ZC3H7A: variants seen among roughly 807,000 people sequenced by gnomAD.
The protein encoded by ZC3H7A is zinc finger CCCH-type containing 7A.
A neutral mutation model predicts 125.5 loss-of-function variants in ZC3H7A; 44 were observed. The observed-to-expected ratio is 0.35, with a 90% CI of 0.28 to 0.45. The LOEUF is 0.45. Ranked by LOEUF, ZC3H7A falls within the 20% of genes least tolerant of loss-of-function variation. ZC3H7A has a pLI of 1.00. For missense variants in ZC3H7A, 977 were observed against 1,170.7 expected (o/e 0.83, Z 2.41); for synonymous variants, 399 against 391.2 (o/e 1.02, Z -0.23).
chr16:11,777,000 C>A, intron 4 of ZC3H7A, 91 bp from the exon 5 acceptor site: 1 of 1,032,714 alleles, frequency 9.7e-7, no homozygotes, highest in Non-Finnish European at 1.3e-6. Flanking sequence ...ATTAATACCC[C>A]ATCCTATTAC....
At chr16:11,785,910 C>T (rs1241454677) in intron 1 of ZC3H7A, among the ~76,000 whole-genome samples, 1 of 152,072 alleles carries the variant, frequency 6.6e-6, no homozygotes, top group Non-Finnish European at 1.5e-5. Flanking sequence ...TGAGCCACCG[C>T]GCCTGGCCGT....
chr16:11,761,862 G>A (rs759830647), intron 18 of ZC3H7A, 48 bp downstream of exon 18: 10 of 1,599,722 alleles, frequency 6.3e-6, no homozygotes, highest in East Asian at 2.2e-5. Context: ...TTATACCTAC[G>A]AAACAGAAAA....
intron 1 of ZC3H7A, among the ~76,000 whole-genome samples, chr16:11,785,522 T>TA (rs891912464): frequency 2.0e-5 from 3 of 151,254 alleles, no homozygotes; most frequent in Non-Finnish European, 4.4e-5. Context: ...AATATTTTTT[T>TA]AAAAAAACTA....
chr16:11,778,513 G>C (rs938275360), intron 4 of ZC3H7A, among the ~76,000 whole-genome samples: 1 of 150,288 alleles, frequency 6.7e-6, no homozygotes, highest in Non-Finnish European at 1.5e-5. Context: ...ACTGGATCTT[G>C]ACTAAGATGT....
rs532678668 is a variant in ZC3H7A at position 11,794,551 on chromosome 16, C to A, written c.-35+2573G>T. On this transcript the variant is annotated intron_variant, in intron 1 of 22. Coordinates refer to ENST00000355758, the MANE Select transcript of ZC3H7A (RefSeq NM_014153.4). ...AAAAATATTTTCACTAGAAAAAAAA[C>A]AAAACAAAACAGAACACTTCCAGAC... Among the ~76,000 whole-genome samples, 118 of 152,040 alleles carry A rather than the reference C, an allele frequency of 7.8e-4. 1 individual carries two copies. The highest frequency in any genetic ancestry group is 2.8e-3 in the African/African-American group (116 of 41,452).
chr16:11,756,978 T>C (rs2052659966), intron 20 of ZC3H7A, among the ~76,000 whole-genome samples: 2 of 111,188 alleles, frequency 1.8e-5, no homozygotes, highest in Non-Finnish European at 3.5e-5. Flanking sequence ...GTATTCTGCA[T>C]TATTGCCAAG....
In ZC3H7A at chr16:11,770,934, C is replaced by A. The variant is rs2052968921; in HGVS notation, c.957G>T (p.Met319Ile). 6.2e-7 allele frequency: 1 copy of A among 1,613,840 alleles called. No individual in the cohort carries two copies. The highest frequency in any genetic ancestry group is 8.5e-7 in the Non-Finnish European group (1 of 1,179,862). ...TTCCTAACAGCGATGCCGAAAAGGGCATGCTAGGAGAGACACTGGCTGTCT... is the reference window on the plus strand; with the variant it reads ...TTCCTAACAGCGATGCCGAAAAGGGAATGCTAGGAGAGACACTGGCTGTCT... ...PLQTASVSPS[M>I]PFSASLLGTL... Residue 319 changes from methionine (M) to isoleucine (I), a missense_variant, in exon 10 of 23, where the codon ATG becomes ATT. Transcript: ENST00000355758.
At chr16:11,775,357 C>G (rs559014347) in intron 7 of ZC3H7A, among the ~76,000 whole-genome samples, 4 of 147,746 alleles carry the variant, frequency 2.7e-5, no homozygotes, top group Non-Finnish European at 4.5e-5. Flanking sequence ...GGTGACAGAG[C>G]GAGACTCTGT....
At chr16:11,780,418 G>A (rs1047886016) in intron 3 of ZC3H7A, among the ~76,000 whole-genome samples, 8 of 152,058 alleles carry the variant, frequency 5.3e-5, no homozygotes, top group Non-Finnish European at 1.2e-4. Flanking sequence ...ACCACGCCTG[G>A]CCATAATTTA....
chr16:11,771,005 A>T lies in ZC3H7A; in HGVS notation c.904-18T>A, dbSNP rs1486866486. On this transcript the variant is annotated intron_variant, in intron 9 of 22. Coordinates refer to ENST00000355758, the MANE Select transcript of ZC3H7A (RefSeq NM_014153.4). ...GCTGACGGCTGCGGAAGAAAAAAAG[A>T]TGTGATTAAAATTCATGAAGCTGTC... 3 of 1,583,676 alleles carry T rather than the reference A, an allele frequency of 1.9e-6. No homozygotes were observed. Among genetic ancestry groups the T allele is most frequent in the Non-Finnish European group, 2.6e-6 (3 of 1,167,568 alleles).
chr16:11,763,217 C>G, intron 16 of ZC3H7A: 1 of 284,576 alleles, frequency 3.5e-6, no homozygotes, highest in Non-Finnish European at 6.6e-6. Flanking sequence ...AAGCAATTCT[C>G]ATGCCTCAGC....
chr16:11,752,947 A>G, intron 21 of ZC3H7A, 115 bp from the exon 22 acceptor site: 1 of 1,350,688 alleles, frequency 7.4e-7, no homozygotes, highest in South Asian at 1.4e-5. Flanking sequence ...TCAGGTTAGA[A>G]ATAGGGACAA....
At chr16:11,781,357 C>T in intron 3 of ZC3H7A, 68 bp downstream of exon 3, 1 of 1,502,554 alleles carries the variant, frequency 6.7e-7, no homozygotes, top group Non-Finnish European at 9.1e-7. Context: ...ATTTGCCAAC[C>T]CCTGCTACAA....
chr16:11,768,852 T>A (rs2052916813), intron 11 of ZC3H7A, among the ~76,000 whole-genome samples, 179 bp downstream of exon 11: 1 of 152,224 alleles, frequency 6.6e-6, no homozygotes, highest in Non-Finnish European at 1.5e-5. Flanking sequence ...CTATGACAGA[T>A]CAAGTCTTAA....
chr16:11,769,535 C>T (rs1387603913), intron 10 of ZC3H7A, among the ~76,000 whole-genome samples: 2 of 151,266 alleles, frequency 1.3e-5, no homozygotes, highest in African/African-American at 4.9e-5. Flanking sequence ...TGGTGAAACC[C>T]TGTCTCTACT....
At chr16:11,775,403 T>G (rs533876586) in intron 7 of ZC3H7A, 75 of 161,682 alleles carry the variant, frequency 4.6e-4, no homozygotes, top group Non-Finnish European at 9.1e-4. Context: ...AAGAAAAAAC[T>G]CACCCTAAGA....
intron 3 of ZC3H7A, among the ~76,000 whole-genome samples, chr16:11,780,849 C>T (rs2053163167): frequency 6.6e-6 from 1 of 152,116 alleles, no homozygotes; most frequent in African/African-American, 2.4e-5. Flanking sequence ...GGGCTTTCTC[C>T]CTGTTCCTAA....
intron 1 of ZC3H7A, among the ~76,000 whole-genome samples, chr16:11,790,711 G>C (rs564169922): frequency 1.1e-4 from 17 of 151,978 alleles, no homozygotes; most frequent in Admixed American, 1.0e-3. Flanking sequence ...GGCTAATTTT[G>C]TATTTTTAGT....
intron 1 of ZC3H7A, among the ~76,000 whole-genome samples, chr16:11,787,397 A>G (rs2053273080): frequency 6.6e-6 from 1 of 151,848 alleles, no homozygotes; most frequent in Non-Finnish European, 1.5e-5. Context: ...TTTTTTCCTC[A>G]CCATTGATTA....
Sources: gnomAD v4.1 joint callset for allele counts (sites outside exome capture counted in the v4.1 genomes callset) on GRCh38, gnomAD v4.1.1 for gene constraint, MANE v1.5 for transcripts, NCBI Gene and HGNC (gene_info 2026-07-23, HGNC 2026-07-21) for gene names.